The following MLKL variants were observed in gnomAD, a reference collection of about 807,000 sequenced individuals.
The protein encoded by MLKL is mixed lineage kinase domain-like protein.
MLKL carries 55 observed loss-of-function variants against 56.5 expected under a neutral mutation model. The observed-to-expected ratio is 0.97, with a 90% CI of 0.78 to 1.22. The LOEUF is 1.22. Among genes scored for constraint, MLKL ranks in the 50% most tolerant of loss-of-function variants. The pLI is 0.00. For missense variants in MLKL, 694 were observed against 573.9 expected (o/e 1.21, Z -2.14); for synonymous variants, 251 against 208.3 (o/e 1.20, Z -1.76).
intron 4 of MLKL, among the ~76,000 whole-genome samples, chr16:74,688,670 A>G (rs1413533738): frequency 2.0e-5 from 3 of 152,048 alleles, no homozygotes; most frequent in Non-Finnish European, 2.9e-5. Context: ...CTGATATCAC[A>G]CCACTACACT....
At position 74,691,410 on chromosome 16, in the gene MLKL, T is replaced by C; in HGVS notation, c.589A>G (p.Lys197Glu). 1 of 1,614,152 alleles carries C rather than the reference T, an allele frequency of 6.2e-7. No individual in the cohort carries two copies. Among genetic ancestry groups the C allele is most frequent in the Admixed American group, 1.7e-5 (1 of 60,016 alleles). ...EIPQEQIKEIKKEQLSGSPWI... is the reference protein window; with the variant it reads ...EIPQEQIKEIEKEQLSGSPWI... ...GGGGATCCTGAAAGCTGCTCCTTCT[T>C]GATCTCCTTGATTTGCTCTTGCGGG... The change falls in exon 4 of 11, where the codon AAG becomes GAG. Residue 197 changes from lysine to glutamate, a missense_variant. By Grantham distance (56) the Lys-to-Glu change is moderately conservative. Transcript: ENST00000308807.
At chr16:74,683,515 G>C (rs918097120) in intron 5 of MLKL, among the ~76,000 whole-genome samples, 1 of 149,400 alleles carries the variant, frequency 6.7e-6, no homozygotes, top group Non-Finnish European at 1.5e-5. Flanking sequence ...AGAATTGCTT[G>C]AACCTCGGAG....
intron 10 of MLKL, among the ~76,000 whole-genome samples, 197 bp from the exon 11 acceptor site, chr16:74,672,735 C>A (rs1959312797): frequency 6.6e-6 from 1 of 152,176 alleles, no homozygotes; most frequent in Admixed American, 6.5e-5. Context: ...AACACAAACA[C>A]CTCACAGGAG....
In MLKL at chr16:74,674,976, C is replaced by T. The variant is rs568365379; in HGVS notation, c.1365G>A (p.Val455=). ...IDECRAHDPS[V]RPSVDEILKK... ...GAACCCTACCATCCACAGAGGGCCG[C>T]ACAGAGGGATCATGGGCCCGGCACT... Residue 455 remains valine, a synonymous_variant, in exon 10 of 11, where the codon GTG becomes GTA. Coordinates refer to ENST00000308807, the MANE Select transcript of MLKL (RefSeq NM_152649.4). 1 of 1,614,166 alleles carries T rather than the reference C, an allele frequency of 6.2e-7. No homozygotes were observed. The highest frequency in any genetic ancestry group is 2.2e-5 in the East Asian group (1 of 44,888).
intron 2 of MLKL, 87 bp downstream of exon 2, chr16:74,695,211 T>G (rs1960953586): frequency 2.2e-6 from 3 of 1,389,756 alleles, no homozygotes. Context: ...CTGCTCAAAC[T>G]TCATCATTGC....
At chr16:74,676,383 G>A (rs1450170820) in intron 7 of MLKL, 30 of 985,342 alleles carry the variant, frequency 3.0e-5, no homozygotes, top group Non-Finnish European at 3.6e-5. Context: ...CACCATTGGT[G>A]TGCTGAAGGC....
chr16:74,672,107 A>T lies in MLKL; in HGVS notation c.*397T>A, dbSNP rs753130880. Reference sequence around the variant, plus strand: ...CAACAGACATTTATAAGGCCTCTTGAAACCTAGGCTTGGAACTGGCATACA... The same window carrying T: ...CAACAGACATTTATAAGGCCTCTTGTAACCTAGGCTTGGAACTGGCATACA... On this transcript the variant is annotated 3_prime_UTR_variant, in exon 11 of 11. Coordinates refer to ENST00000308807, the MANE Select transcript of MLKL (RefSeq NM_152649.4). The T allele has an allele frequency of 1.7e-4, 28 of 164,396 alleles. No homozygotes were observed. Among genetic ancestry groups the T allele is most frequent in the Admixed American group, 7.9e-4 (13 of 16,412 alleles). 10.2% of individuals were successfully genotyped at this position (164,396 alleles called of 1,614,324 possible).
chr16:74,678,847 T>C, intron 7 of MLKL, 52 bp downstream of exon 7: 1 of 1,328,116 alleles, frequency 7.5e-7, no homozygotes, highest in African/African-American at 1.4e-5. Context: ...GCCCCTCTCA[T>C]AGCACCAGTC....
intron 5 of MLKL, 96 bp downstream of exon 5, chr16:74,685,390 C>T: frequency 1.1e-6 from 1 of 889,524 alleles, no homozygotes; most frequent in Admixed American, 2.2e-5. Flanking sequence ...GGATTCCACC[C>T]TTTGTGATGT....
At chr16:74,686,333 A>T in intron 4 of MLKL, among the ~76,000 whole-genome samples, 1 of 152,154 alleles carries the variant, frequency 6.6e-6, no homozygotes, top group Non-Finnish European at 1.5e-5. Context: ...CTGTAATCCC[A>T]GCACTTTGGG....
At position 74,693,761 on chromosome 16, in the gene MLKL, G is replaced by A. The variant is rs1344956025; in HGVS notation, c.461-1345C>T. On this transcript the variant is annotated intron_variant, in intron 2 of 10. Transcript: ENST00000308807. ...TGGGACTACAGGCGCCCACCACCTC[G>A]CCCGTCTAATTTTTTGTATTTTCAG... Among the ~76,000 whole-genome samples the A allele has an allele frequency of 3.3e-5, 5 of 151,786 alleles. 1 individual carries two copies. Among genetic ancestry groups the A allele is most frequent in the African/African-American group, 1.2e-4 (5 of 41,324 alleles).
At chr16:74,699,399 A>G (rs1341645663) in intron 1 of MLKL, among the ~76,000 whole-genome samples, 1 of 152,242 alleles carries the variant, frequency 6.6e-6, no homozygotes, top group Non-Finnish European at 1.5e-5. Flanking sequence ...CCTGTATGAA[A>G]TTAAAATATA....
chr16:74,677,091 C>A (rs1038683779), intron 7 of MLKL: 1 of 152,198 alleles, frequency 6.6e-6, no homozygotes, highest in Admixed American at 6.6e-5. Context: ...CTCACTCTGT[C>A]GCCCAGGTTG....
chr16:74,684,683 A>T (rs1960221124), intron 5 of MLKL, among the ~76,000 whole-genome samples: 2 of 150,838 alleles, frequency 1.3e-5, no homozygotes, highest in African/African-American at 4.9e-5. Flanking sequence ...TTTAGTAGAG[A>T]CGGGGTTTCA....
At chr16:74,683,688 C>T (rs1217469398) in intron 5 of MLKL, among the ~76,000 whole-genome samples, 3 of 151,830 alleles carry the variant, frequency 2.0e-5, no homozygotes, top group East Asian at 1.9e-4. Context: ...AGTTATTTGG[C>T]GAATGTCTTC....
At chr16:74,692,505 T>TATC in intron 2 of MLKL, 89 bp from the exon 3 acceptor site, 1 of 1,020,084 alleles carries the variant, frequency 9.8e-7, no homozygotes, top group Non-Finnish European at 1.5e-6. Context: ...ACTGTTGAGA[T>TATC]ATCATTTTTT....
chr16:74,694,665 G>C (rs1375319365), intron 2 of MLKL, among the ~76,000 whole-genome samples: 1 of 152,112 alleles, frequency 6.6e-6, no homozygotes, highest in Non-Finnish European at 1.5e-5. Context: ...AGCCACTCGG[G>C]AGCCTGAGGT....
At chr16:74,688,718 G>A (rs905257440) in intron 4 of MLKL, among the ~76,000 whole-genome samples, 1 of 151,636 alleles carries the variant, frequency 6.6e-6, no homozygotes, top group Non-Finnish European at 1.5e-5. Flanking sequence ...ATCTCAAACA[G>A]AACAAAACAA....
intron 1 of MLKL, among the ~76,000 whole-genome samples, chr16:74,699,901 C>T (rs1417324691): frequency 2.0e-5 from 3 of 152,082 alleles, no homozygotes; most frequent in Non-Finnish European, 4.4e-5. Context: ...ATGATTGTGC[C>T]ACTGCGCTCC....
Sources: gnomAD v4.1 joint callset for allele counts (sites outside exome capture counted in the v4.1 genomes callset) on GRCh38, gnomAD v4.1.1 for gene constraint, MANE v1.5 for transcripts, NCBI Gene and HGNC (gene_info 2026-07-23, HGNC 2026-07-21) for gene names.